TMEM108: variants seen among roughly 807,000 people sequenced by gnomAD.
The protein encoded by TMEM108 is cancer/testis antigen 124.
TMEM108 carries 12 observed loss-of-function variants against 35.1 expected under a neutral mutation model. The ratio of observed to expected loss-of-function variants is 0.34; its 90% CI spans 0.22 to 0.55. The LOEUF (loss-of-function observed/expected upper bound fraction) is 0.55. Ranked by LOEUF, TMEM108 falls within the 20% of genes least tolerant of loss-of-function variation. The pLI, the probability that TMEM108 is intolerant of heterozygous loss-of-function variation, is 0.89. For synonymous variants in TMEM108, 287 were observed against 308.6 expected (o/e 0.93, Z 0.73); for missense variants, 680 against 753.3 (o/e 0.90, Z 1.14).
At chr3:133,057,090 T>C (rs553446562) in intron 2 of TMEM108, among the ~76,000 whole-genome samples, 11 of 152,272 alleles carry the variant, frequency 7.2e-5, no homozygotes, top group African/African-American at 2.2e-4. Flanking sequence ...AACCTGCCAG[T>C]GTTCTCAGAC....
chr3:133,248,786 C>G (rs1355320539), intron 3 of TMEM108, among the ~76,000 whole-genome samples: 1 of 152,134 alleles, frequency 6.6e-6, no homozygotes, highest in Non-Finnish European at 1.5e-5. Flanking sequence ...TCTGGTTGTG[C>G]CATCCTTATG....
At chr3:133,329,107 T>C (rs1325988955) in intron 3 of TMEM108, among the ~76,000 whole-genome samples, 1 of 151,914 alleles carries the variant, frequency 6.6e-6, no homozygotes, top group Admixed American at 6.6e-5. Context: ...AAATAAGTGT[T>C]TGAGAAATTG....
intron 4 of TMEM108, chr3:133,388,467 G>A (rs2107856843): frequency 1.0e-6 from 1 of 985,424 alleles, no homozygotes; most frequent in Non-Finnish European, 1.2e-6. Context: ...ACCATCTGAA[G>A]AAAGGGTTTT....
At chr3:133,262,308 G>C (rs533022385) in intron 3 of TMEM108, among the ~76,000 whole-genome samples, 2 of 152,244 alleles carry the variant, frequency 1.3e-5, no homozygotes, top group East Asian at 3.9e-4. Context: ...TCAACATATT[G>C]TATCTATTCT....
At chr3:133,061,746 A>G (rs1166931732) in intron 2 of TMEM108, among the ~76,000 whole-genome samples, 1 of 152,180 alleles carries the variant, frequency 6.6e-6, no homozygotes, top group African/African-American at 2.4e-5. Context: ...TTTCAAGGCT[A>G]TATGTTACTA....
chr3:133,390,485 C>G, intron 5 of TMEM108, 151 bp downstream of exon 5: 1 of 855,830 alleles, frequency 1.2e-6, no homozygotes, highest in Non-Finnish European at 1.8e-6. Context: ...TAGGCCCTAC[C>G]CTGGTCCTAC....
At chr3:133,063,720 A>G (rs1943562624) in intron 2 of TMEM108, among the ~76,000 whole-genome samples, 2 of 152,144 alleles carry the variant, frequency 1.3e-5, no homozygotes, top group Admixed American at 1.3e-4. Context: ...ATTGATTTAT[A>G]GACTGGAATG....
intron 5 of TMEM108, among the ~76,000 whole-genome samples, chr3:133,395,249 A>C (rs1280575474): frequency 6.6e-6 from 1 of 152,228 alleles, no homozygotes; most frequent in Non-Finnish European, 1.5e-5. Context: ...CATTCAGCTC[A>C]GCATCACTAG....
chr3:133,244,389 C>G (rs1473086059), intron 3 of TMEM108, among the ~76,000 whole-genome samples: 1 of 152,164 alleles, frequency 6.6e-6, no homozygotes, highest in Non-Finnish European at 1.5e-5. Context: ...GCATCTTCCT[C>G]CTCTCCTCTA....
At chr3:133,365,116 G>C (rs1035487709) in intron 3 of TMEM108, among the ~76,000 whole-genome samples, 1 of 152,236 alleles carries the variant, frequency 6.6e-6, no homozygotes, top group African/African-American at 2.4e-5. Context: ...TAGCTGAAGA[G>C]AAGTTCAGCT....
In TMEM108 at chr3:133,140,453, A is replaced by G. The variant is rs115373812; in HGVS notation, c.-46-88813A>G. On this transcript the variant is annotated intron_variant, in intron 2 of 5. Coordinates refer to ENST00000321871, the MANE Select transcript of TMEM108 (RefSeq NM_023943.4). ...ATCAACAGACATTATCCTGAATGGTAGAGTTGTGAAGAATTGTGTCCTGTG... is the reference window on the plus strand; with the variant it reads ...ATCAACAGACATTATCCTGAATGGTGGAGTTGTGAAGAATTGTGTCCTGTG... 5.4e-3 allele frequency among the ~76,000 whole-genome samples: 827 copies of G among 152,322 alleles called. 8 individuals carry two copies. The highest frequency in any genetic ancestry group is 0.019 in the African/African-American group (770 of 41,558).
At chr3:133,128,737 AG>A (rs1944449238) in intron 2 of TMEM108, among the ~76,000 whole-genome samples, 1 of 152,188 alleles carries the variant, frequency 6.6e-6, no homozygotes, top group African/African-American at 2.4e-5. Flanking sequence ...GAAGAAACAA[AG>A]GCCTGCAAAG....
intron 3 of TMEM108, among the ~76,000 whole-genome samples, chr3:133,291,632 TTC>T (rs1311413777): frequency 1.3e-5 from 2 of 152,078 alleles, no homozygotes; most frequent in Admixed American, 1.3e-4. Flanking sequence ...GCTATGGAAT[TTC>T]TCTGAGCCTC....
At chr3:133,236,886 A>G (rs1472678374) in intron 3 of TMEM108, among the ~76,000 whole-genome samples, 2 of 152,080 alleles carry the variant, frequency 1.3e-5, no homozygotes, top group Non-Finnish European at 2.9e-5. Flanking sequence ...GTGGTCTGTG[A>G]TCTGAAGTTC....
At chr3:133,364,131 A>G (rs2072436587) in intron 3 of TMEM108, among the ~76,000 whole-genome samples, 1 of 152,224 alleles carries the variant, frequency 6.6e-6, no homozygotes, top group African/African-American at 2.4e-5. Context: ...ACTTGTGAGG[A>G]AACAGGCACA....
intron 2 of TMEM108, among the ~76,000 whole-genome samples, chr3:133,156,064 T>TTTCTTTTATTTATTTATTTATTTATTTA (rs1944876726): frequency 6.8e-6 from 1 of 146,084 alleles, no homozygotes; most frequent in African/African-American, 2.5e-5. Flanking sequence ...TTATTTTTTC[T>TTTCTTTTATTTATTTATTTATTTATTTA]TTTATTTATT....
rs903048410 is a variant in TMEM108 at position 133,233,668 on chromosome 3, T to C, written c.40+4317T>C. Among the ~76,000 whole-genome samples the C allele has an allele frequency of 3.1e-4, 47 of 149,526 alleles. 1 individual carries two copies. Among genetic ancestry groups the C allele is most frequent in the African/African-American group, 1.1e-3 (45 of 41,102 alleles). On this transcript the variant is annotated intron_variant, in intron 3 of 5. Transcript: ENST00000321871. The stretch of plus-strand genomic sequence containing the variant: ...TACAGTCCCACCAACAGTGTAAAAG[T>C]GTTCCTATTTCTCCACATCCTCTCC...
intron 2 of TMEM108, among the ~76,000 whole-genome samples, chr3:133,102,852 G>A (rs1036975431): frequency 1.3e-5 from 2 of 148,734 alleles, no homozygotes; most frequent in African/African-American, 4.9e-5. Context: ...CAACATCACT[G>A]ATCATTAGAA....
chr3:133,047,978 C>T (rs1050833787), intron 2 of TMEM108, among the ~76,000 whole-genome samples: 2 of 152,040 alleles, frequency 1.3e-5, no homozygotes, highest in Admixed American at 6.5e-5. Context: ...TGAAGAAGGG[C>T]GAAGGTCTGT....
Sources: gnomAD v4.1 joint callset for allele counts (sites outside exome capture counted in the v4.1 genomes callset) on GRCh38, gnomAD v4.1.1 for gene constraint, MANE v1.5 for transcripts, NCBI Gene and HGNC (gene_info 2026-07-23, HGNC 2026-07-21) for gene names.